The following LINGO2 variants were observed in gnomAD, a reference collection of about 807,000 sequenced individuals.
LINGO2 encodes the protein leucine rich repeat and Ig domain containing 2, also known as leucine-rich repeat and immunoglobulin-like domain-containing nogo receptor-interacting protein 2.
In LINGO2, 14 loss-of-function variants were observed where a neutral mutation model predicts 30.6. The ratio of observed to expected loss-of-function variants is 0.46; its 90% CI spans 0.30 to 0.72. The LOEUF (loss-of-function observed/expected upper bound fraction) is 0.72, where lower values mean the gene tolerates loss of function less well. Among genes scored for constraint, LINGO2 ranks in the 30% least tolerant of loss-of-function variants. The pLI is 0.07. For synonymous variants in LINGO2, 317 were observed against 288.5 expected, an observed-to-expected ratio of 1.10 and a Z score of -1.00; for missense variants, 729 against 751.7, an observed-to-expected ratio of 0.97 and a Z score of 0.35.
At chr9:28,644,925 A>G (rs10511830) in intron 1 of LINGO2, among the ~76,000 whole-genome samples, 13,684 of 152,080 alleles carry the variant, frequency 0.09, 876 homozygotes, top group Admixed American at 0.22. Flanking sequence ...TCCTTTAAAA[A>G]GTAGAGTCAT....
At chr9:28,543,329 C>T (rs1227746331) in intron 1 of LINGO2, among the ~76,000 whole-genome samples, 2 of 151,906 alleles carry the variant, frequency 1.3e-5, no homozygotes, top group African/African-American at 2.4e-5. Flanking sequence ...TCTCTGGAAC[C>T]AAGAGAAAGT....
intron 3 of LINGO2, among the ~76,000 whole-genome samples, chr9:28,372,589 T>C (rs1224412538): frequency 1.5e-5 from 2 of 131,626 alleles, no homozygotes; most frequent in Non-Finnish European, 3.3e-5. Flanking sequence ...TTGTTAGTTC[T>C]ATTGCACAGC....
intron 1 of LINGO2, among the ~76,000 whole-genome samples, chr9:28,497,293 C>T (rs1160946822): frequency 1.3e-5 from 2 of 152,218 alleles, no homozygotes; most frequent in African/African-American, 4.8e-5. Flanking sequence ...CTTTCAGGTA[C>T]ACCAATCAGA....
At chr9:28,883,628 G>GTGTGTGTATGTATATA in the LINGO2 span, among the ~76,000 whole-genome samples, 4 of 64,180 alleles carry the variant, frequency 6.2e-5, no homozygotes, top group African/African-American at 2.3e-4. Context: ...ATGTGTGTGT[G>GTGTGTGTATGTATATA]TATATATATA....
chr9:28,622,289 T>A (rs1826434966), intron 1 of LINGO2, among the ~76,000 whole-genome samples: 1 of 151,794 alleles, frequency 6.6e-6, no homozygotes, highest in Non-Finnish European at 1.5e-5. Flanking sequence ...CATCCCAACT[T>A]CCTCCTAATC....
intron 4 of LINGO2, among the ~76,000 whole-genome samples, chr9:28,086,889 C>A (rs1825931363): frequency 6.6e-6 from 1 of 152,040 alleles, no homozygotes; most frequent in African/African-American, 2.4e-5. Context: ...AAAATGGCTC[C>A]AATTCTTTCT....
chr9:28,797,670 G>T, the LINGO2 span, among the ~76,000 whole-genome samples: 1 of 151,968 alleles, frequency 6.6e-6, no homozygotes, highest in Non-Finnish European at 1.5e-5. Flanking sequence ...TGTTTACTTT[G>T]ATATGTCTAT....
chr9:28,490,547 A>G (rs1826355438), intron 1 of LINGO2, among the ~76,000 whole-genome samples: 1 of 152,214 alleles, frequency 6.6e-6, no homozygotes, highest in Non-Finnish European at 1.5e-5. Flanking sequence ...ACTAGAAGCC[A>G]CTGTGCTCCA....
Position 28,148,777 on chromosome 9 carries a change from C to A in LINGO2, c.-86-136372G>T. ...ACCCACTTCCAACAGTGCTCCCTGCCCCAGTTCCAGGCTGCTCCCTGTGGC... is the reference window on the plus strand; with the variant it reads ...ACCCACTTCCAACAGTGCTCCCTGCACCAGTTCCAGGCTGCTCCCTGTGGC... On this transcript the variant is annotated intron_variant, in intron 4 of 5. Coordinates refer to ENST00000379992, the Ensembl canonical transcript of LINGO2. This position sits in a 1 kb window ranked among gnomAD's most constrained non-coding sequence, Gnocchi z 5.1. 1 of 1,534,088 alleles carries A rather than the reference C, an allele frequency of 6.5e-7. No individual in the cohort carries two copies.
At position 28,158,379 on chromosome 9, in the gene LINGO2, T is replaced by C. The variant is rs536374585; in HGVS notation, c.-87+136829A>G. Among the ~76,000 whole-genome samples, 114 of 152,224 alleles carry C rather than the reference T, an allele frequency of 7.5e-4. 2 individuals carry two copies. The highest frequency in any genetic ancestry group is 1.6e-3 in the Admixed American group (24 of 15,294). On this transcript the variant is annotated intron_variant, in intron 4 of 5. Coordinates refer to ENST00000379992, the Ensembl canonical transcript of LINGO2. The stretch of plus-strand genomic sequence containing the variant: ...ATTTGGGTGGGTCGCAGCCAAACCA[T>C]ATCAAGTGCCAATAAAGAGTTCTCA...
chr9:28,604,514 A>C (rs1779967334), intron 1 of LINGO2, among the ~76,000 whole-genome samples: 1 of 152,040 alleles, frequency 6.6e-6, no homozygotes. Context: ...TTCAGTAGAT[A>C]ATTATAAAAG....
the LINGO2 span, among the ~76,000 whole-genome samples, chr9:28,985,498 C>T: frequency 6.6e-6 from 1 of 152,060 alleles, no homozygotes; most frequent in Non-Finnish European, 1.5e-5. Context: ...TACAAAATTT[C>T]CTTCTCTCCA....
At chr9:28,235,627 T>A (rs1394222241) in intron 4 of LINGO2, among the ~76,000 whole-genome samples, 1 of 152,138 alleles carries the variant, frequency 6.6e-6, no homozygotes. Context: ...TTCTACCAGA[T>A]AAATTTAACA....
Position 28,426,589 on chromosome 9 carries a change from A to T in LINGO2, c.-279+49351T>A, listed in dbSNP as rs59054313. 3.8e-3 allele frequency among the ~76,000 whole-genome samples: 584 copies of T among 152,106 alleles called. 4 individuals are homozygous for T. The highest frequency in any genetic ancestry group is 0.013 in the African/African-American group (552 of 41,508). Reference sequence around the variant, plus strand: ...GGGAGCACTACCAATAGAAGTTTTTAAATATGCAGGTATACTGTGCTGATG... The same window carrying T: ...GGGAGCACTACCAATAGAAGTTTTTTAATATGCAGGTATACTGTGCTGATG... On this transcript the variant is annotated intron_variant, in intron 2 of 5. Coordinates refer to ENST00000379992, the Ensembl canonical transcript of LINGO2.
At chr9:28,977,093 T>C in the LINGO2 span, among the ~76,000 whole-genome samples, 78 of 152,272 alleles carry the variant, frequency 5.1e-4, no homozygotes, top group African/African-American at 1.8e-3. Flanking sequence ...GTAACTTATA[T>C]GAATAATTTA....
the LINGO2 span, among the ~76,000 whole-genome samples, chr9:28,945,739 T>C: frequency 6.6e-6 from 1 of 152,134 alleles, no homozygotes; most frequent in Non-Finnish European, 1.5e-5. Flanking sequence ...ACTTTAAATC[T>C]TGAGAACTGT....
intron 4 of LINGO2, among the ~76,000 whole-genome samples, chr9:28,238,488 G>A (rs1240762263): frequency 2.0e-5 from 3 of 152,206 alleles, no homozygotes; most frequent in East Asian, 3.9e-4. Flanking sequence ...TCAACAAGAA[G>A]CAGAACTTTG....
chr9:27,971,275 T>C (rs921496963), intron 5 of LINGO2, among the ~76,000 whole-genome samples: 2 of 152,054 alleles, frequency 1.3e-5, no homozygotes, highest in African/African-American at 4.8e-5. Context: ...TTTCTTATTA[T>C]GCCCTCTTCC....
the LINGO2 span, among the ~76,000 whole-genome samples, chr9:28,884,560 G>C: frequency 1.3e-5 from 2 of 151,526 alleles, no homozygotes; most frequent in South Asian, 2.1e-4. Context: ...TTCAATTATC[G>C]ACCTGCGGAC....
Sources: gnomAD v4.1 joint callset for allele counts (sites outside exome capture counted in the v4.1 genomes callset) on GRCh38, gnomAD v4.1.1 for gene constraint, Gnocchi (gnomAD v3.1) non-coding constraint, MANE v1.5 for transcripts, NCBI Gene and HGNC (gene_info 2026-07-23, HGNC 2026-07-21) for gene names.